The following KCNIP1 variants were observed in gnomAD, a reference collection of about 807,000 sequenced individuals.
The protein encoded by KCNIP1 is potassium voltage-gated channel interacting protein 1.
KCNIP1 carries 18 observed loss-of-function variants against 33.0 expected under a neutral mutation model. That is an observed-to-expected ratio of 0.55 (90% CI 0.38 to 0.81). KCNIP1 has a LOEUF of 0.81. Among genes scored for constraint, KCNIP1 ranks in the 30% least tolerant of loss-of-function variants. The pLI is 0.00. For missense variants in KCNIP1, 238 were observed against 271.6 expected, an observed-to-expected ratio of 0.88 and a Z score of 0.87; for synonymous variants, 93 against 98.3, an observed-to-expected ratio of 0.95 and a Z score of 0.32.
At chr5:170,389,852 G>T (rs1392180234) in intron 1 of KCNIP1, among the ~76,000 whole-genome samples, 2 of 152,020 alleles carry the variant, frequency 1.3e-5, no homozygotes, top group African/African-American at 4.8e-5. Flanking sequence ...TTTTGTTTTT[G>T]GTTTTACTCC....
At chr5:170,518,987 G>A (rs931867808) in intron 1 of KCNIP1, among the ~76,000 whole-genome samples, 1 of 152,158 alleles carries the variant, frequency 6.6e-6, no homozygotes, top group Admixed American at 6.5e-5. Flanking sequence ...TCAGGTGCCA[G>A]TGCCTCCACA....
At position 170,527,490 on chromosome 5, in the gene KCNIP1, T is replaced by A. The variant is rs1231476871; in HGVS notation, c.61+22857T>A. 2.6e-5 allele frequency among the ~76,000 whole-genome samples: 4 copies of A among 152,044 alleles called. No individual in the cohort carries two copies. The South Asian group carries it at 6.3e-4, about 24-fold the overall frequency. On this transcript the variant is annotated intron_variant, in intron 1 of 7. Transcript: ENST00000328939. ...TTTCCCTCTCAAAGCCTCAGTTAGC[T>A]CTTCAGGGCCTGCGAACGGCAATCT...
intron 1 of KCNIP1, among the ~76,000 whole-genome samples, chr5:170,494,031 C>T (rs896461466): frequency 3.3e-5 from 5 of 152,200 alleles, no homozygotes; most frequent in Non-Finnish European, 7.3e-5. Flanking sequence ...CCATACATCA[C>T]AGACAGCAGA....
At chr5:170,626,856 G>A (rs1361246490) in intron 1 of KCNIP1, among the ~76,000 whole-genome samples, 2 of 129,798 alleles carry the variant, frequency 1.5e-5, no homozygotes, top group African/African-American at 3.0e-5. Flanking sequence ...CTCAGCTTAT[G>A]AGCCTGGGTG....
intron 1 of KCNIP1, chr5:170,376,331 T>A (rs913159922): frequency 6.6e-6 from 1 of 151,826 alleles, no homozygotes; most frequent in Non-Finnish European, 1.5e-5. Context: ...CGGCTATGAT[T>A]TTTTCTATTT....
intron 1 of KCNIP1, among the ~76,000 whole-genome samples, chr5:170,537,663 G>A (rs781112947): frequency 6.6e-6 from 1 of 152,210 alleles, no homozygotes; most frequent in African/African-American, 2.4e-5. Context: ...AGAGTGACAC[G>A]AGGTGTCAAC....
chr5:170,598,889 C>CTGTGTGTGTGCGCGCGTGTGTGTGTGTG lies in KCNIP1; in HGVS notation c.61+94266_61+94267insCGCGCGTGTGTGTGTGTGTGTGTGTGTG, dbSNP rs1193319687. 2.1e-5 allele frequency among the ~76,000 whole-genome samples: 3 copies of CTGTGTGTGTGCGCGCGTGTGTGTGTGTG among 141,732 alleles called. 1 individual carries two copies. Among genetic ancestry groups the CTGTGTGTGTGCGCGCGTGTGTGTGTGTG allele is most frequent in the African/African-American group, 8.0e-5 (3 of 37,406 alleles). 93.0% of individuals were successfully genotyped at this position (141,732 alleles called of 152,430 possible). On this transcript the variant is annotated intron_variant, in intron 1 of 7. Coordinates refer to ENST00000328939, the MANE Select transcript of KCNIP1 (RefSeq NM_014592.4). ...TGATGTGCTCGTTCCCATAGCCCCG[C>CTGTGTGTGTGCGCGCGTGTGTGTGTGTG]TGTGTGTGTGTGCGCGTGTGTGTGT...
intron 1 of KCNIP1, among the ~76,000 whole-genome samples, chr5:170,587,060 G>C (rs534684767): frequency 6.6e-6 from 1 of 152,302 alleles, no homozygotes; most frequent in African/African-American, 2.4e-5. Flanking sequence ...ATGTGGGATG[G>C]ACCGGGCAGG....
Position 170,703,545 on chromosome 5 carries a change from G to A in KCNIP1, c.62-15213G>A, listed in dbSNP as rs923125081. On this transcript the variant is annotated intron_variant, in intron 1 of 7. Coordinates refer to ENST00000328939, the MANE Select transcript of KCNIP1 (RefSeq NM_014592.4). ...TCCAGTGCTTTAAGAGGCCGAGGCA[G>A]GAGGATCACTTGAGGCCAGGAGTTC... is the stretch of plus-strand genomic sequence containing the variant. Among the ~76,000 whole-genome samples the A allele has an allele frequency of 5.1e-5, 7 of 137,614 alleles. 1 individual carries two copies. Among genetic ancestry groups the A allele is most frequent in the Admixed American group, 1.6e-4 (2 of 12,606 alleles). 90.3% of individuals were successfully genotyped at this position (137,614 alleles called of 152,430 possible).
At chr5:170,371,388 G>T (rs1309917363) in intron 1 of KCNIP1, among the ~76,000 whole-genome samples, 1 of 152,140 alleles carries the variant, frequency 6.6e-6, no homozygotes, top group East Asian at 1.9e-4. Flanking sequence ...CTCTGTGATG[G>T]AAAGGTATCT....
At chr5:170,660,880 C>G (rs1033012223) in intron 1 of KCNIP1, among the ~76,000 whole-genome samples, 1 of 152,200 alleles carries the variant, frequency 6.6e-6, no homozygotes, top group Non-Finnish European at 1.5e-5. Flanking sequence ...AGAAAGCTCA[C>G]GTGGCAAAAG....
intron 1 of KCNIP1, among the ~76,000 whole-genome samples, chr5:170,485,606 C>A (rs1757073932): frequency 6.6e-6 from 1 of 152,172 alleles, no homozygotes; most frequent in South Asian, 2.1e-4. Context: ...TCCACCAGGC[C>A]CACCCTCCGC....
chr5:170,506,438 A>C (rs1361751218), intron 1 of KCNIP1, among the ~76,000 whole-genome samples: 1 of 152,200 alleles, frequency 6.6e-6, no homozygotes, highest in Non-Finnish European at 1.5e-5. Flanking sequence ...GGATGTGAGA[A>C]TCAAATGAAT....
At chr5:170,586,853 AC>A (rs1758007204) in intron 1 of KCNIP1, among the ~76,000 whole-genome samples, 1 of 152,162 alleles carries the variant, frequency 6.6e-6, no homozygotes, top group African/African-American at 2.4e-5. Context: ...TTAGTCAACA[AC>A]TGTGGATTGA....
In KCNIP1 at chr5:170,472,365, G is replaced by A. The variant is rs544986707; in HGVS notation, c.88+118401G>A. On this transcript the variant is annotated intron_variant, in intron 1 of 7. Transcript: ENST00000377360. ...GCCCCACAGTCCTGTAGGTCCGCCC[G>A]CCTGGGTAAGGGATGGGGTGAAATT... 3.3e-5 allele frequency among the ~76,000 whole-genome samples: 5 copies of A among 152,306 alleles called. No homozygotes were observed. In the South Asian group the frequency reaches 6.2e-4, roughly 19 times the overall value.
chr5:170,503,867 G>A (rs1428909668), upstream of KCNIP1, among the ~76,000 whole-genome samples: 1 of 151,970 alleles, frequency 6.6e-6, no homozygotes, highest in Admixed American at 6.6e-5. Context: ...ACATGCTCCC[G>A]GGGCTCCCGC....
intron 1 of KCNIP1, chr5:170,422,724 T>C (rs1374107058): frequency 6.6e-6 from 1 of 152,216 alleles, no homozygotes; most frequent in Non-Finnish European, 1.5e-5. Flanking sequence ...TATTAATAGA[T>C]ATATAACAAA....
chr5:170,572,735 T>C (rs1356826612), intron 1 of KCNIP1, among the ~76,000 whole-genome samples: 2 of 152,240 alleles, frequency 1.3e-5, no homozygotes, highest in Admixed American at 6.5e-5. Flanking sequence ...TGATGATGAC[T>C]GATGGCACAG....
intron 1 of KCNIP1, among the ~76,000 whole-genome samples, chr5:170,653,946 GA>G (rs976840254): frequency 6.6e-6 from 1 of 151,928 alleles, no homozygotes; most frequent in Non-Finnish European, 1.5e-5. Flanking sequence ...ACATTTCCTA[GA>G]AAAAAGGGTG....
Sources: gnomAD v4.1 joint callset for allele counts (sites outside exome capture counted in the v4.1 genomes callset) on GRCh38, gnomAD v4.1.1 for gene constraint, MANE v1.5 for transcripts, NCBI Gene and HGNC (gene_info 2026-07-23, HGNC 2026-07-21) for gene names.